Variants in CFAP251 observed in about 807,000 individuals in gnomAD.
CFAP251 encodes cilia and flagella associated protein 251.
Under a neutral mutation model 126.7 loss-of-function variants are expected in CFAP251, and 93 were observed. The ratio of observed to expected loss-of-function variants is 0.73; its 90% confidence interval spans 0.62 to 0.87. The LOEUF is 0.87. Ranked by LOEUF, CFAP251 falls within the 40% of genes least tolerant of loss-of-function variation. The probability of loss-of-function intolerance (pLI) is 0.00; values close to 1 mark genes in which losing one functional copy is unlikely to be tolerated. For synonymous variants in CFAP251, 503 were observed against 506.9 expected (o/e 0.99, Z 0.10); for missense variants, 1,287 against 1,389.2 (o/e 0.93, Z 1.17).
At chr12:121,990,719 A>C (rs1447846534) in intron 19 of CFAP251, among the ~76,000 whole-genome samples, 1 of 152,200 alleles carries the variant, frequency 6.6e-6, no homozygotes, top group Non-Finnish European at 1.5e-5. Context: ...GCACTTAAAA[A>C]AATACATCAG....
rs975002745 is a variant in CFAP251 at position 121,969,970 on chromosome 12, C to T, written c.2771+1801C>T. The stretch of plus-strand genomic sequence containing the variant: ...TTATAAACTAATTATCACTTCATTG[C>T]TGCTTCTGGTGACTTAATATGATCA... On this transcript the variant is annotated intron_variant, in intron 17 of 21. Coordinates refer to ENST00000288912, the MANE Select transcript of CFAP251 (RefSeq NM_144668.6). 1.4e-5 allele frequency: 14 copies of T among 984,980 alleles called. No individual in the cohort carries two copies. In the African/African-American group the frequency reaches 2.4e-4, roughly 17 times the overall value. 61.0% of individuals were successfully genotyped at this position (984,980 alleles called of 1,614,324 possible).
Position 121,923,977 on chromosome 12 carries a change from C to G in CFAP251, c.734C>G (p.Pro245Arg), listed in dbSNP as rs371486114. 1 of 1,609,010 alleles carries G rather than the reference C, an allele frequency of 6.2e-7. No individual in the cohort carries two copies. Among genetic ancestry groups the G allele is most frequent in the South Asian group, 1.1e-5 (1 of 90,460 alleles). Reference sequence around the variant, plus strand: ...CTGTTTCAAAAGGATAAAAGCACCCCGGTGTATCCCTTGGTAAGTGTAATG... The same window carrying G: ...CTGTTTCAAAAGGATAAAAGCACCCGGGTGTATCCCTTGGTAAGTGTAATG... ...DILFQKDKST[P>R]VYPLTMTWSF... The change falls in exon 3 of 22, where the codon CCG becomes CGG. Residue 245 changes from proline (P) to arginine (R), a missense_variant. By Grantham distance (103) the Pro-to-Arg change is moderately radical. Coordinates refer to ENST00000288912, the MANE Select transcript of CFAP251 (RefSeq NM_144668.6).
rs763884439 is a variant in CFAP251, at chr12:121,954,239, A to C, written c.1440A>C (p.Ser480=). 5 of 1,614,224 alleles carry C rather than the reference A, an allele frequency of 3.1e-6. No individual in the cohort carries two copies. Among genetic ancestry groups the C allele is most frequent in the Non-Finnish European group, 4.2e-6 (5 of 1,180,030 alleles). ...TCTGGGACATACACCGCCCACCCTC[A>C]TCTGCCTCCACCTTTTTGGGCTTTC... ...LVVWDIHRPP[S]SASTFLGFPY... The change falls in exon 10 of 22, where the codon TCA becomes TCC. Residue 480 remains serine, a synonymous_variant. Transcript: ENST00000288912.
At chr12:121,922,915 G>A (rs548183269) in intron 2 of CFAP251, among the ~76,000 whole-genome samples, 18 of 152,064 alleles carry the variant, frequency 1.2e-4, no homozygotes, top group Admixed American at 7.2e-4. Context: ...TCAGCCTCCC[G>A]AGTAGCTGGG....
rs1238317164 is a variant in CFAP251 at position 121,969,394 on chromosome 12, C to T, written c.2771+1225C>T. ...TCCTATTGAAAAGGGATCATGGCCT[C>T]AGAATGGCTGCCTGGTTCCTTGCTC... On this transcript the variant is annotated intron_variant, in intron 17 of 21. Coordinates refer to ENST00000288912, the MANE Select transcript of CFAP251 (RefSeq NM_144668.6). 3.0e-6 allele frequency: 3 copies of T among 985,276 alleles called. No homozygotes were observed. In the African/African-American group the frequency reaches 5.2e-5, roughly 17 times the overall value. The allele number at this position is 985,276 out of a possible 1,614,324, so 61.0% of individuals were successfully genotyped here.
In CFAP251 at chr12:121,999,948, A is replaced by C. The variant is rs775689949; in HGVS notation, c.3235+4A>C. 6.8e-6 allele frequency: 11 copies of C among 1,606,134 alleles called. No individual in the cohort carries two copies. The highest frequency in any genetic ancestry group is 9.4e-6 in the Non-Finnish European group (11 of 1,173,122). On this transcript the variant is annotated splice_donor_region_variant and intron_variant, in intron 20 of 21. Transcript: ENST00000288912. The stretch of plus-strand genomic sequence containing the variant: ...CTGAGACTGCTCGTTACTAAAGGTA[A>C]GCACATACATCAGGATGTCTGGTAA...
intron 1 of CFAP251, among the ~76,000 whole-genome samples, chr12:121,920,869 A>G (rs569115187): frequency 1.3e-5 from 2 of 150,032 alleles, no homozygotes; most frequent in African/African-American, 5.0e-5. Context: ...TATTTTTGAG[A>G]CAGAACTTTG....
chr12:121,975,576 G>T lies in CFAP251; in HGVS notation c.2897G>T (p.Arg966Leu), dbSNP rs371295441. 10 of 1,606,472 alleles carry T rather than the reference G, an allele frequency of 6.2e-6. No individual in the cohort carries two copies. The African/African-American group carries it at 1.2e-4, about 19-fold the overall frequency. Residue 966 changes from arginine (R) to leucine (L), a missense_variant, in exon 19 of 22, where the codon CGC (arginine) becomes CTC (leucine). By Grantham distance (102) the Arg-to-Leu change is moderately radical (BLOSUM62 -2). Transcript: ENST00000288912. ...GACTACTTCTACTATTCTCAGCTCC[G>T]CAGTCAAGGCATCGACACAATGGAG... ...LEDYFYYSQL[R>L]SQGIDTMETR...
At chr12:121,938,901 C>A (rs994202606) in intron 5 of CFAP251, among the ~76,000 whole-genome samples, 2 of 151,734 alleles carry the variant, frequency 1.3e-5, no homozygotes, top group Non-Finnish European at 2.9e-5. Flanking sequence ...GAGACAGAAT[C>A]GCTTGAACCC....
intron 5 of CFAP251, among the ~76,000 whole-genome samples, chr12:121,941,649 T>G (rs1881120962): frequency 6.6e-6 from 1 of 152,182 alleles, no homozygotes; most frequent in Admixed American, 6.5e-5. Context: ...TCTTATCATA[T>G]GGTTATGCTA....
rs577818898 is a variant in CFAP251, at chr12:121,924,544, T to C, written c.747+554T>C. On this transcript the variant is annotated intron_variant, in intron 3 of 21. Coordinates refer to ENST00000288912, the MANE Select transcript of CFAP251 (RefSeq NM_144668.6). ...GCCTCCCGGGTTCAAGCGATTCTCC[T>C]GCCTCAGCCTCCCAAGTAGCTGGGA... Among the ~76,000 whole-genome samples the C allele has an allele frequency of 2.0e-5, 3 of 150,900 alleles. No individual in the cohort carries two copies. In the South Asian group the frequency reaches 6.3e-4, roughly 32 times the overall value.
rs554381771 is a variant in CFAP251 at position 121,974,075 on chromosome 12, C to A, written c.2772-1169C>A. ...TAATTCCCATGTGTTGTGGGAGGGA[C>A]CTGGTGGGAGATGGTTGGATTGTGG... On this transcript the variant is annotated intron_variant, in intron 17 of 21. Coordinates refer to ENST00000288912, the MANE Select transcript of CFAP251 (RefSeq NM_144668.6). This position sits in a 1 kb window ranked among gnomAD's most constrained non-coding sequence, Gnocchi z 4.6. 1.3e-5 allele frequency among the ~76,000 whole-genome samples: 2 copies of A among 152,172 alleles called. No individual in the cohort carries two copies. The highest frequency in any genetic ancestry group is 4.8e-5 in the African/African-American group (2 of 41,514).
At chr12:121,929,972 C>T (rs890269222) in intron 3 of CFAP251, among the ~76,000 whole-genome samples, 5 of 147,660 alleles carry the variant, frequency 3.4e-5, no homozygotes, top group African/African-American at 7.8e-5. Flanking sequence ...GCCACTGTGC[C>T]GGGCCACACT....
At chr12:121,984,793 C>T (rs186204294) in intron 19 of CFAP251, among the ~76,000 whole-genome samples, 1 of 152,302 alleles carries the variant, frequency 6.6e-6, no homozygotes, top group East Asian at 1.9e-4. Flanking sequence ...GCATATCATT[C>T]GTTTCCTGCT....
At chr12:121,995,371 T>C (rs947152441) in intron 19 of CFAP251, among the ~76,000 whole-genome samples, 1 of 152,282 alleles carries the variant, frequency 6.6e-6, no homozygotes, top group African/African-American at 2.4e-5. Flanking sequence ...CAAGCAATTG[T>C]ACATAGTATA....
intron 7 of CFAP251, among the ~76,000 whole-genome samples, chr12:121,944,892 C>T (rs761334324): frequency 1.3e-5 from 2 of 152,182 alleles, no homozygotes; most frequent in Admixed American, 1.3e-4. Context: ...AAGCAGTCCT[C>T]CTACCTTAGC....
At chr12:121,929,450 T>C (rs570058968) in intron 3 of CFAP251, among the ~76,000 whole-genome samples, 5 of 152,240 alleles carry the variant, frequency 3.3e-5, no homozygotes, top group African/African-American at 1.2e-4. Context: ...TGGATGAGTG[T>C]GGTTCATCCG....
chr12:121,931,302 A>G (rs1489899449), intron 3 of CFAP251, among the ~76,000 whole-genome samples: 1 of 152,156 alleles, frequency 6.6e-6, no homozygotes, highest in African/African-American at 2.4e-5. Context: ...TTGTGGTAAA[A>G]TACACGGAAC....
At chr12:121,969,663 A>G (rs574225370) in intron 17 of CFAP251, 1 of 854,828 alleles carries the variant, frequency 1.2e-6, no homozygotes, top group African/African-American at 1.8e-5. Flanking sequence ...CTTTAAAAAA[A>G]TTTTTTTTGT....
Sources: allele counts gnomAD v4.1 joint callset (sites outside exome capture counted in the v4.1 genomes callset), GRCh38; gene constraint gnomAD v4.1.1; non-coding constraint Gnocchi (gnomAD v3.1); transcripts MANE v1.5; gene names NCBI Gene and HGNC (gene_info 2026-07-23, HGNC 2026-07-21).